ZC3H6: variants seen among roughly 807,000 people sequenced by gnomAD.
The protein encoded by ZC3H6 is zinc finger CCCH-type containing 6, also known as zinc finger CCCH domain-containing protein 6.
ZC3H6 carries 40 observed loss-of-function variants against 107.7 expected under a neutral mutation model. That is an observed-to-expected ratio of 0.37 (90% CI 0.29 to 0.48). ZC3H6 has a LOEUF of 0.48. ZC3H6 is among the 20% of genes least tolerant of loss of function. The pLI, the probability that ZC3H6 is intolerant of heterozygous loss-of-function variation, is 0.98. For missense variants in ZC3H6, 1,267 were observed against 1,410.4 expected (o/e 0.90, Z 1.63); for synonymous variants, 493 against 487.9 (o/e 1.01, Z -0.14).
chr2:112,303,116 G>T, intron 2 of ZC3H6, 113 bp from the exon 3 acceptor site: 1 of 1,345,162 alleles, frequency 7.4e-7, no homozygotes, highest in Non-Finnish European at 1.0e-6. Flanking sequence ...AGAGTCTCCT[G>T]GAATAATATA....
At position 112,333,042 on chromosome 2, in the gene ZC3H6, A is replaced by G. The variant is rs147719341; in HGVS notation, c.*554A>G. 2,267 of 152,768 alleles carry G rather than the reference A, an allele frequency of 0.015. 17 individuals are homozygous for G. Among genetic ancestry groups the G allele is most frequent in the Non-Finnish European group, 0.022 (1,488 of 68,024 alleles). 9.5% of individuals were successfully genotyped at this position (152,768 alleles called of 1,614,324 possible). A position where few individuals can be genotyped will look rare whatever the true frequency, so the allele number is the denominator to read the frequency against. On this transcript the variant is annotated 3_prime_UTR_variant, in exon 12 of 12. Transcript: ENST00000409871. Reference sequence around the variant, plus strand: ...CACTTTTATTAGTATTGGCAATATTATTTGTGTAAATGAAGCATTTGAATG... The same window carrying G: ...CACTTTTATTAGTATTGGCAATATTGTTTGTGTAAATGAAGCATTTGAATG...
chr2:112,296,399 A>G (rs1676233932), intron 1 of ZC3H6, among the ~76,000 whole-genome samples: 7 of 152,160 alleles, frequency 4.6e-5, no homozygotes, highest in Admixed American at 4.6e-4. Flanking sequence ...TCTATGATAT[A>G]AATAAAGCAT....
chr2:112,313,106 T>G (rs950898833), intron 5 of ZC3H6, among the ~76,000 whole-genome samples: 1 of 152,160 alleles, frequency 6.6e-6, no homozygotes, highest in African/African-American at 2.4e-5. Context: ...AGATTCTCAG[T>G]TGACATTAAT....
chr2:112,311,230 G>T (rs1676585468), intron 4 of ZC3H6, among the ~76,000 whole-genome samples: 1 of 152,174 alleles, frequency 6.6e-6, no homozygotes, highest in African/African-American at 2.4e-5. Flanking sequence ...GGACTTCAAG[G>T]TTACAGCAAG....
chr2:112,299,104 C>G (rs967641552), intron 1 of ZC3H6, among the ~76,000 whole-genome samples: 6 of 151,990 alleles, frequency 3.9e-5, no homozygotes, highest in African/African-American at 1.4e-4. Flanking sequence ...GGTGAAACCC[C>G]GTCTCTACTA....
chr2:112,292,769 GT>G (rs1408090194), intron 1 of ZC3H6, among the ~76,000 whole-genome samples: 1 of 152,076 alleles, frequency 6.6e-6, no homozygotes, highest in African/African-American at 2.4e-5. Context: ...ATACTTCTAG[GT>G]TTTATGGCTT....
chr2:112,303,317 G>C lies in ZC3H6; in HGVS notation c.302G>C (p.Gly101Ala), dbSNP rs767461534. Reference sequence around the variant, plus strand: ...GAAAGTTCCCATAAAAAAAGAACTGGTTTCTACAGGGATTATGACATTCCA... The same window carrying C: ...GAAAGTTCCCATAAAAAAAGAACTGCTTTCTACAGGGATTATGACATTCCA... ...HTESSHKKRT[G>A]FYRDYDIPFT... Residue 101 changes from glycine to alanine, a missense_variant, in exon 3 of 12, where the codon GGT (glycine) becomes GCT (alanine). Transcript: ENST00000409871. 1 of 1,613,188 alleles carries C rather than the reference G, an allele frequency of 6.2e-7. No homozygotes were observed. The highest frequency in any genetic ancestry group is 8.5e-7 in the Non-Finnish European group (1 of 1,179,432).
intron 11 of ZC3H6, among the ~76,000 whole-genome samples, chr2:112,330,289 G>A (rs1295162879): frequency 6.6e-6 from 1 of 152,056 alleles, no homozygotes; most frequent in African/African-American, 2.4e-5. Flanking sequence ...TCATGACCTC[G>A]TGATCCGCCC....
At chr2:112,323,004 T>G in intron 9 of ZC3H6, 102 bp downstream of exon 9, 2 of 1,282,660 alleles carry the variant, frequency 1.6e-6, no homozygotes, top group South Asian at 2.9e-5. Flanking sequence ...TAAACTTGGT[T>G]AGAGATAGCA....
intron 1 of ZC3H6, among the ~76,000 whole-genome samples, chr2:112,281,406 A>G (rs183098937): frequency 1.3e-5 from 2 of 152,298 alleles, no homozygotes; most frequent in Non-Finnish European, 2.9e-5. Context: ...GAGGGACAGG[A>G]TCCTCTATGG....
intron 2 of ZC3H6, among the ~76,000 whole-genome samples, chr2:112,302,966 A>C (rs1216157915): frequency 2.6e-5 from 4 of 152,072 alleles, no homozygotes; most frequent in Non-Finnish European, 4.4e-5. Context: ...TAGGGGCAGA[A>C]TATTTCTGTT....
In ZC3H6 at chr2:112,334,211, T is replaced by G. The variant is rs1262795187; in HGVS notation, c.*1723T>G. On this transcript the variant is annotated 3_prime_UTR_variant, in exon 12 of 12. Coordinates refer to ENST00000409871, the MANE Select transcript of ZC3H6 (RefSeq NM_198581.3). ...TTTACTGTCCAAATGAATTTTGTTGTTAATTGAGAAGTCAATAAAATGGAT... is the reference window on the plus strand; with the variant it reads ...TTTACTGTCCAAATGAATTTTGTTGGTAATTGAGAAGTCAATAAAATGGAT... The G allele has an allele frequency of 2.6e-5, 4 of 152,164 alleles. No homozygotes were observed. Among genetic ancestry groups the G allele is most frequent in the Non-Finnish European group, 5.9e-5 (4 of 67,990 alleles). The allele number at this position is 152,164 out of a possible 1,614,324, so 9.4% of individuals were successfully genotyped here.
At chr2:112,290,884 T>C (rs1676099991) in intron 1 of ZC3H6, among the ~76,000 whole-genome samples, 1 of 152,268 alleles carries the variant, frequency 6.6e-6, no homozygotes, top group African/African-American at 2.4e-5. Flanking sequence ...AAATGTTGCA[T>C]TGATTGTATG....
intron 7 of ZC3H6, 48 bp from the exon 8 acceptor site, chr2:112,321,708 A>T: frequency 1.7e-6 from 2 of 1,178,312 alleles, no homozygotes; most frequent in East Asian, 2.7e-5. Context: ...TTTAAAAAAA[A>T]ATTAGACCTT....
intron 1 of ZC3H6, among the ~76,000 whole-genome samples, chr2:112,278,967 A>G (rs1409566653): frequency 6.6e-6 from 1 of 152,246 alleles, no homozygotes; most frequent in African/African-American, 2.4e-5. Context: ...TGTTTGCCAA[A>G]TGAATAATTT....
intron 4 of ZC3H6, among the ~76,000 whole-genome samples, chr2:112,311,515 G>A (rs932375389): frequency 3.9e-5 from 6 of 152,036 alleles, no homozygotes; most frequent in Non-Finnish European, 7.4e-5. Context: ...AAAACAGAAA[G>A]GCTTGTTAAT....
In ZC3H6 at chr2:112,310,571, A is replaced by G. The variant is rs1676574837; in HGVS notation, c.613+410A>G. ...AAGCAAGTGTGCATGGACTATGAAC[A>G]TCTTTTAAAATTGGAGATAAAAACA... On this transcript the variant is annotated intron_variant, in intron 4 of 11. Coordinates refer to ENST00000409871, the MANE Select transcript of ZC3H6 (RefSeq NM_198581.3). Among the ~76,000 whole-genome samples, 2 of 152,214 alleles carry G rather than the reference A, an allele frequency of 1.3e-5. 1 individual carries two copies. The highest frequency in any genetic ancestry group is 4.8e-5 in the African/African-American group (2 of 41,454).
chr2:112,321,446 A>G (rs1676800125), intron 7 of ZC3H6, among the ~76,000 whole-genome samples: 1 of 151,824 alleles, frequency 6.6e-6, no homozygotes, highest in African/African-American at 2.4e-5. Context: ...TAATTAAAAT[A>G]TCTAACCTTA....
At chr2:112,288,989 C>G (rs903979317) in intron 1 of ZC3H6, among the ~76,000 whole-genome samples, 2 of 102,664 alleles carry the variant, frequency 1.9e-5, no homozygotes, top group Non-Finnish European at 4.3e-5. Context: ...CTTCTCACTG[C>G]CCACCCCCCC....
Sources: allele counts gnomAD v4.1 joint callset (sites outside exome capture counted in the v4.1 genomes callset), GRCh38; gene constraint gnomAD v4.1.1; transcripts MANE v1.5; gene names NCBI Gene and HGNC (gene_info 2026-07-23, HGNC 2026-07-21).